The following ZNF283 variants were observed in gnomAD, a reference collection of about 807,000 sequenced individuals.
ZNF283 encodes zinc finger protein 41.
A neutral mutation model predicts 9.2 loss-of-function variants in ZNF283; 10 were observed. That is an observed-to-expected ratio of 1.09 (90% CI 0.67 to 1.85). ZNF283 has a LOEUF of 1.85. ZNF283 is among the 40% of genes most tolerant of loss of function. ZNF283 has a pLI of 0.00. For missense variants in ZNF283, 631 were observed against 760.1 expected, an observed-to-expected ratio of 0.83 and a Z score of 2.00; for synonymous variants, 234 against 244.1, an observed-to-expected ratio of 0.96 and a Z score of 0.38.
In ZNF283 at chr19:43,835,204, G is replaced by A. The variant is rs575605396; in HGVS notation, c.123-301G>A. ...CTTCAGTCCTGAGCCCATGAAGGAC[G>A]TTCTAGCTTGGACCATGACAGGTAT... On this transcript the variant is annotated intron_variant, in intron 4 of 6. Coordinates refer to ENST00000618787, the MANE Select transcript of ZNF283 (RefSeq NM_181845.2). Among the ~76,000 whole-genome samples, 7 of 152,236 alleles carry A rather than the reference G, an allele frequency of 4.6e-5. No homozygotes were observed. The East Asian group carries it at 7.7e-4, about 17-fold the overall frequency.
At chr19:43,831,217 T>TA (rs1301391657) in intron 2 of ZNF283, 101 bp from the exon 3 acceptor site, 4 of 693,220 alleles carry the variant, frequency 5.8e-6, no homozygotes, top group Non-Finnish European at 7.1e-6. Flanking sequence ...CAGCCGTACT[T>TA]ACAGAGTATC....
At chr19:43,838,221 T>C (rs1275109416) in intron 6 of ZNF283, 4 of 152,236 alleles carry the variant, frequency 2.6e-5, no homozygotes, top group Non-Finnish European at 5.9e-5. Context: ...ATTACTCATG[T>C]TATTCACTCT....
In ZNF283 at chr19:43,850,718, C is replaced by T. The variant is rs780565070; in HGVS notation, c.*2077C>T. On this transcript the variant is annotated 3_prime_UTR_variant, in exon 7 of 7. Transcript: ENST00000618787. ...TTGGGATTACAGGTGTGAGACACTG[C>T]GCCTGGCTATATTTTACTATTTGGA... is the stretch of plus-strand genomic sequence containing the variant. The T allele has an allele frequency of 1.1e-4, 17 of 152,104 alleles. No homozygotes were observed. Among genetic ancestry groups the T allele is most frequent in the African/African-American group, 3.6e-4 (15 of 41,408 alleles). The allele number at this position is 152,104 out of a possible 1,614,324, so 9.4% of individuals were successfully genotyped here.
rs752448257 is a variant in ZNF283, at chr19:43,848,394, C to T, written c.1793C>T (p.Ser598Phe). 6.2e-7 allele frequency: 1 copy of T among 1,613,950 alleles called. No individual in the cohort carries two copies. Among genetic ancestry groups the T allele is most frequent in the Admixed American group, 1.7e-5 (1 of 59,994 alleles). Residue 598 changes from serine to phenylalanine, a missense_variant, in exon 7 of 7, where the codon TCT becomes TTT. Ser to Phe is a radical substitution (Grantham distance 155). Transcript: ENST00000618787. ...KHERVHTNEK[S>F]YECKDCGKAF... ...GAGAGAGTCCATACTAATGAGAAGT[C>T]TTATGAATGTAAAGACTGTGGGAAG...
At chr19:43,843,944 A>G (rs1284571059) in intron 6 of ZNF283, among the ~76,000 whole-genome samples, 1 of 152,196 alleles carries the variant, frequency 6.6e-6, no homozygotes. Context: ...GATTTTCTTC[A>G]TATACTTCAT....
In ZNF283 at chr19:43,848,804, ATATTTTGAATATAATTAATATGAAAAGG is replaced by A; in HGVS notation, c.*164_*191del. 1 of 594,592 alleles carries A rather than the reference ATATTTTGAATATAATTAATATGAAAAGG, an allele frequency of 1.7e-6. No homozygotes were observed. The highest frequency in any genetic ancestry group is 2.7e-6 in the Non-Finnish European group (1 of 371,374). The allele number at this position is 594,592 out of a possible 1,614,324, so 36.8% of individuals were successfully genotyped here. On this transcript the variant is annotated 3_prime_UTR_variant, in exon 7 of 7. Coordinates refer to ENST00000618787, the MANE Select transcript of ZNF283 (RefSeq NM_181845.2). ...ATCCAGCAATTCATACTAGTGAGAA[ATATTTTGAATATAATTAATATGAAAAGG>A]CCTTTAGACTTCTGTACAGTCTTAT...
At chr19:43,830,548 A>G (rs979249783) in intron 2 of ZNF283, among the ~76,000 whole-genome samples, 1 of 152,104 alleles carries the variant, frequency 6.6e-6, no homozygotes, top group African/African-American at 2.4e-5. Flanking sequence ...CCATGACCCA[A>G]AAAGATCTAG....
intron 6 of ZNF283, among the ~76,000 whole-genome samples, chr19:43,843,766 T>TG (rs2146573054): frequency 2.0e-5 from 3 of 152,192 alleles, no homozygotes; most frequent in Admixed American, 2.0e-4. Context: ...CAATGTAACA[T>TG]AGTATGAAAA....
rs1434463103 is a variant in ZNF283 at position 43,847,121 on chromosome 19, T to C, written c.520T>C (p.Tyr174His). ...FEGLKGHQEGYFSQMIISYEK... is the reference protein window; with the variant it reads ...FEGLKGHQEGHFSQMIISYEK... ...GGGACTAAAAGGACATCAAGAGGGA[T>C]ACTTCAGTCAAATGATAATCAGCTA... Residue 174 changes from tyrosine (Y) to histidine (H), a missense_variant, in exon 7 of 7, where the codon TAC becomes CAC. By Grantham distance (83) the Tyr-to-His change is moderately conservative. Around this residue, in one of 3 missense-constraint regions of ZNF283, gnomAD observed 184 missense variants for 220.0 expected, o/e 0.84. Coordinates refer to ENST00000618787, the MANE Select transcript of ZNF283 (RefSeq NM_181845.2). The C allele has an allele frequency of 6.2e-7, 1 of 1,613,350 alleles. No individual in the cohort carries two copies. The highest frequency in any genetic ancestry group is 8.5e-7 in the Non-Finnish European group (1 of 1,179,602).
intron 6 of ZNF283, among the ~76,000 whole-genome samples, chr19:43,845,972 C>T (rs1464867688): frequency 6.6e-6 from 1 of 151,950 alleles, no homozygotes; most frequent in African/African-American, 2.4e-5. Flanking sequence ...GTAGTTTGAG[C>T]TTAGTTGAGT....
chr19:43,848,726 T>C lies in ZNF283; in HGVS notation c.*85T>C, dbSNP rs1971530550. The C allele has an allele frequency of 1.5e-6, 2 of 1,361,234 alleles. No homozygotes were observed. The highest frequency in any genetic ancestry group is 1.7e-5 in the South Asian group (1 of 57,240). The allele number at this position is 1,361,234 out of a possible 1,614,324, so 84.3% of individuals were successfully genotyped here. Reference sequence around the variant, plus strand: ...TCTTACTCTTGAGAAACCTTGTGAATGTAAGGGTTGTGCAAAAGCCATTCA... The same window carrying C: ...TCTTACTCTTGAGAAACCTTGTGAACGTAAGGGTTGTGCAAAAGCCATTCA... On this transcript the variant is annotated 3_prime_UTR_variant, in exon 7 of 7. Coordinates refer to ENST00000618787, the MANE Select transcript of ZNF283 (RefSeq NM_181845.2).
rs1198160294 is a variant in ZNF283, at chr19:43,831,388, G to A, written c.-1+7G>A. ...ACAGGATGTTCGAGAGCTGGTAGGTGTAAATTGTTTCAGGCCCACTGATTT... is the reference window on the plus strand; with the variant it reads ...ACAGGATGTTCGAGAGCTGGTAGGTATAAATTGTTTCAGGCCCACTGATTT... On this transcript the variant is annotated splice_region_variant and intron_variant, in intron 3 of 6. Transcript: ENST00000618787. 4 of 1,592,590 alleles carry A rather than the reference G, an allele frequency of 2.5e-6. No individual in the cohort carries two copies. The highest frequency in any genetic ancestry group is 3.4e-6 in the Non-Finnish European group (4 of 1,176,922).
intron 6 of ZNF283, among the ~76,000 whole-genome samples, chr19:43,839,530 C>G (rs349035): frequency 0.86 from 130,600 of 152,130 alleles, 56,728 homozygotes; most frequent in African/African-American, 0.96. Context: ...ATTTTTTTCT[C>G]TACTTTTGTC....
chr19:43,835,586 G>T lies in ZNF283; in HGVS notation c.204G>T (p.Met68Ile). The change falls in exon 5 of 7, where the codon ATG (methionine) becomes ATT (isoleucine). Residue 68 changes from methionine to isoleucine, a missense_variant. This residue lies in a region of ZNF283 where 184 missense variants were observed against 220.0 expected (regional missense o/e 0.84). Coordinates refer to ENST00000618787, the MANE Select transcript of ZNF283 (RefSeq NM_181845.2). The part of the protein sequence containing the change: ...ALISSCNSRT[M>I]TDGLVTFRDV... The stretch of plus-strand genomic sequence containing the variant: ...TTAGTTCTTGCAATTCCAGAACCAT[G>T]ACTGATGTAAGTTGGTATTTTTCTC... 1 of 1,601,840 alleles carries T rather than the reference G, an allele frequency of 6.2e-7. No individual in the cohort carries two copies. Among genetic ancestry groups the T allele is most frequent in the South Asian group, 1.1e-5 (1 of 89,312 alleles).
Position 43,848,926 on chromosome 19 carries a change from C to T in ZNF283, c.*285C>T, listed in dbSNP as rs1022085110. On this transcript the variant is annotated 3_prime_UTR_variant, in exon 7 of 7. Transcript: ENST00000618787. ...AATGTGTGAAGATCTTCATTCATGA[C>T]ATAAGGTCTGATTAACATCAAATAA... 4.0e-6 allele frequency: 1 copy of T among 246,986 alleles called. No individual in the cohort carries two copies. The highest frequency in any genetic ancestry group is 7.8e-6 in the Non-Finnish European group (1 of 128,900). 15.3% of individuals were successfully genotyped at this position (246,986 alleles called of 1,614,324 possible). A position where few individuals can be genotyped will look rare whatever the true frequency, so the allele number is the denominator to read the frequency against.
intron 2 of ZNF283, among the ~76,000 whole-genome samples, chr19:43,828,858 G>C (rs1023096618): frequency 3.3e-5 from 5 of 152,136 alleles, no homozygotes; most frequent in African/African-American, 9.7e-5. Flanking sequence ...AGGTATAAGG[G>C]ATTTTAAGTA....
chr19:43,845,219 C>T (rs1446312111), intron 6 of ZNF283, among the ~76,000 whole-genome samples: 1 of 152,096 alleles, frequency 6.6e-6, no homozygotes, highest in Non-Finnish European at 1.5e-5. Context: ...TAAACAAAAA[C>T]ACAGTCATAG....
Position 43,837,122 on chromosome 19 carries a change from C to T in ZNF283, c.280C>T (p.Gln94Ter), listed in dbSNP as rs2146550129. 1 of 1,614,006 alleles carries T rather than the reference C, an allele frequency of 6.2e-7. No homozygotes were observed. The highest frequency in any genetic ancestry group is 2.2e-5 in the East Asian group (1 of 44,872). Residue 94 changes from glutamine (Q) to a stop codon, truncating the protein, a stop_gained, in exon 6 of 7, where the codon CAG (glutamine) becomes TAG (stop). Transcript: ENST00000618787. LOFTEE classifies it high-confidence loss of function. ...QEEWECLDPA[Q>*]RDLYVDVMLE... ...GGAGTGGGAATGCCTGGACCCTGCT[C>T]AGAGGGACTTGTACGTGGATGTAAT...
chr19:43,829,477 AGAC>A (rs1225905858), intron 2 of ZNF283, among the ~76,000 whole-genome samples: 1 of 152,196 alleles, frequency 6.6e-6, no homozygotes, highest in Non-Finnish European at 1.5e-5. Flanking sequence ...GTGTGTGCTT[AGAC>A]AATTGATTCA....
Sources: allele counts gnomAD v4.1 joint callset (sites outside exome capture counted in the v4.1 genomes callset), GRCh38; gene constraint gnomAD v4.1.1; regional missense constraint gnomAD v4.1.1; transcripts MANE v1.5; gene names NCBI Gene and HGNC (gene_info 2026-07-23, HGNC 2026-07-21).